Variants in DAAM1 observed in about 807,000 individuals in gnomAD.
The protein encoded by DAAM1 is dishevelled associated activator of morphogenesis 1, also known as disheveled-associated activator of morphogenesis 1.
Under a neutral mutation model 130.0 loss-of-function variants are expected in DAAM1, and 52 were observed. The ratio of observed to expected loss-of-function variants is 0.40; its 90% CI spans 0.32 to 0.50. The LOEUF (loss-of-function observed/expected upper bound fraction) is 0.50. Among genes scored for constraint, DAAM1 ranks in the 20% least tolerant of loss-of-function variants. The probability of loss-of-function intolerance (pLI) is 0.61; values close to 1 mark genes in which losing one functional copy is unlikely to be tolerated. For synonymous variants in DAAM1, 452 were observed against 444.5 expected (o/e 1.02, Z -0.21); for missense variants, 1,134 against 1,303.8 (o/e 0.87, Z 2.01).
chr14:59,196,976 A>C (rs1190301962), intron 1 of DAAM1, among the ~76,000 whole-genome samples: 1 of 151,998 alleles, frequency 6.6e-6, no homozygotes, highest in African/African-American at 2.4e-5. Context: ...GCTGGAGTGC[A>C]GTGGCGCGAT....
At position 59,242,562 on chromosome 14, in the gene DAAM1, T is replaced by C. The variant is rs115018580; in HGVS notation, c.-37-20879T>C. On this transcript the variant is annotated intron_variant, in intron 1 of 24. Coordinates refer to ENST00000360909, the MANE Select transcript of DAAM1 (RefSeq NM_001270520.2). ...CAAAAACGCTGTGTGCTGGGTACTA[T>C]TATTATTATTCTTTGAGACAGAGTC... Among the ~76,000 whole-genome samples the C allele has an allele frequency of 2.2e-3, 328 of 152,244 alleles. 1 individual carries two copies. The highest frequency in any genetic ancestry group is 7.7e-3 in the African/African-American group (320 of 41,538).
intron 16 of DAAM1, among the ~76,000 whole-genome samples, chr14:59,346,056 G>A (rs1407847615): frequency 6.6e-6 from 1 of 150,812 alleles, no homozygotes; most frequent in Non-Finnish European, 1.5e-5. Context: ...TCTTTCTATG[G>A]CCAGGAACTT....
At chr14:59,193,207 A>G (rs1594749234) in intron 1 of DAAM1, among the ~76,000 whole-genome samples, 1 of 152,186 alleles carries the variant, frequency 6.6e-6, no homozygotes, top group African/African-American at 2.4e-5. Flanking sequence ...GCTAGGGTGG[A>G]TGATACCCCT....
At chr14:59,226,478 A>G (rs1343992599) in intron 1 of DAAM1, among the ~76,000 whole-genome samples, 1 of 152,180 alleles carries the variant, frequency 6.6e-6, no homozygotes, top group Non-Finnish European at 1.5e-5. Flanking sequence ...GGGTTCCAGG[A>G]AGAAAGTCAA....
chr14:59,279,515 G>C (rs1883118588), intron 2 of DAAM1, among the ~76,000 whole-genome samples: 1 of 152,130 alleles, frequency 6.6e-6, no homozygotes, highest in South Asian at 2.1e-4. Context: ...TGCATAGTTA[G>C]AAGAGACAAT....
At chr14:59,331,160 G>T (rs769705552) in intron 13 of DAAM1, 49 bp from the exon 14 acceptor site, 3 of 1,596,850 alleles carry the variant, frequency 1.9e-6, no homozygotes, top group Admixed American at 3.5e-5. Flanking sequence ...ATCATTCAAT[G>T]AATTTACTTC....
intron 2 of DAAM1, among the ~76,000 whole-genome samples, chr14:59,272,400 G>A (rs1393441197): frequency 2.6e-5 from 4 of 152,040 alleles, no homozygotes; most frequent in Non-Finnish European, 4.4e-5. Flanking sequence ...CCAACATGGT[G>A]AAACCCCATC....
intron 17 of DAAM1, among the ~76,000 whole-genome samples, chr14:59,349,111 C>G (rs566328370): frequency 1.3e-5 from 2 of 152,242 alleles, no homozygotes; most frequent in African/African-American, 2.4e-5. Flanking sequence ...AGTCTTTGCT[C>G]TGGGACAGTG....
At chr14:59,249,078 C>T (rs778693738) in intron 1 of DAAM1, among the ~76,000 whole-genome samples, 2 of 152,192 alleles carry the variant, frequency 1.3e-5, no homozygotes, top group Non-Finnish European at 2.9e-5. Context: ...TGAGCCACCG[C>T]GCCTGGCCCA....
At chr14:59,353,648 G>T (rs1250846776) in intron 18 of DAAM1, among the ~76,000 whole-genome samples, 2 of 152,196 alleles carry the variant, frequency 1.3e-5, no homozygotes, top group Non-Finnish European at 2.9e-5. Context: ...TAAGGACTCT[G>T]CTGCAGTTGG....
chr14:59,308,016 C>T (rs1884437847), intron 3 of DAAM1, among the ~76,000 whole-genome samples: 1 of 152,178 alleles, frequency 6.6e-6, no homozygotes, highest in Non-Finnish European at 1.5e-5. Flanking sequence ...AGTTTCCCTC[C>T]ACTTAATATG....
chr14:59,270,586 G>A (rs1192064101), intron 2 of DAAM1, among the ~76,000 whole-genome samples: 1 of 152,154 alleles, frequency 6.6e-6, no homozygotes, highest in Non-Finnish European at 1.5e-5. Context: ...CCAAACCATA[G>A]CAATTCTGAA....
chr14:59,315,607 T>C (rs1465323895), intron 4 of DAAM1, among the ~76,000 whole-genome samples: 1 of 152,224 alleles, frequency 6.6e-6, no homozygotes, highest in South Asian at 2.1e-4. Context: ...AGTGAAAATG[T>C]AGTTTGAAAT....
intron 3 of DAAM1, among the ~76,000 whole-genome samples, chr14:59,294,271 C>T (rs1566688792): frequency 6.6e-6 from 1 of 152,218 alleles, no homozygotes; most frequent in African/African-American, 2.4e-5. Context: ...CCCTGTCCAA[C>T]AGCGACTTGA....
At chr14:59,353,737 G>A in intron 18 of DAAM1, 139 bp from the exon 19 acceptor site, 2 of 765,328 alleles carry the variant, frequency 2.6e-6, no homozygotes, top group Non-Finnish European at 4.2e-6. Context: ...CTGTCCATGA[G>A]AACAACTAAT....
intron 1 of DAAM1, among the ~76,000 whole-genome samples, chr14:59,209,255 A>G (rs1888357359): frequency 8.8e-6 from 1 of 113,998 alleles, no homozygotes; most frequent in Non-Finnish European, 1.9e-5. Flanking sequence ...ATGAGAAATA[A>G]AGCTCTCCTT....
At chr14:59,244,065 G>T (rs1881244217) in intron 1 of DAAM1, among the ~76,000 whole-genome samples, 4 of 152,092 alleles carry the variant, frequency 2.6e-5, no homozygotes, top group Non-Finnish European at 5.9e-5. Context: ...AGCTCCCATA[G>T]TTCCCATGTG....
chr14:59,320,608 T>G lies in DAAM1; in HGVS notation c.440+24T>G, dbSNP rs772674346. The G allele has an allele frequency of 9.5e-5, 77 of 806,628 alleles. No homozygotes were observed. The African/African-American group carries it at 1.1e-3, about 11-fold the overall frequency. The allele number at this position is 806,628 out of a possible 1,614,324, so 50.0% of individuals were successfully genotyped here. ...AGGTAATTTTCCCCTGGATGGCATG[T>G]TTTTTTTTTTTCTCTCCTTCCTTCC... On this transcript the variant is annotated intron_variant, in intron 5 of 24. Coordinates refer to ENST00000360909, the MANE Select transcript of DAAM1 (RefSeq NM_001270520.2).
intron 1 of DAAM1, among the ~76,000 whole-genome samples, chr14:59,197,740 C>G (rs1887946734): frequency 6.6e-6 from 1 of 152,048 alleles, no homozygotes; most frequent in Non-Finnish European, 1.5e-5. Flanking sequence ...TCTTCCATAC[C>G]TTACCTTTTC....
Sources: gnomAD v4.1 joint callset for allele counts (sites outside exome capture counted in the v4.1 genomes callset) on GRCh38, gnomAD v4.1.1 for gene constraint, MANE v1.5 for transcripts, NCBI Gene and HGNC (gene_info 2026-07-23, HGNC 2026-07-21) for gene names.